The following EXOC6 variants were observed in gnomAD, a reference collection of about 807,000 sequenced individuals.
EXOC6 encodes the protein exocyst complex component 6.
Under a neutral mutation model 112.5 loss-of-function variants are expected in EXOC6, and 60 were observed. The observed-to-expected ratio is 0.53, with a 90% CI of 0.43 to 0.66. The LOEUF (loss-of-function observed/expected upper bound fraction) is 0.66, where lower values mean the gene tolerates loss of function less well. Among genes scored for constraint, EXOC6 ranks in the 30% least tolerant of loss-of-function variants. The pLI is 0.00. For missense variants in EXOC6, 855 were observed against 957.1 expected (o/e 0.89, Z 1.41); for synonymous variants, 295 against 308.0 (o/e 0.96, Z 0.44).
intron 19 of EXOC6, among the ~76,000 whole-genome samples, chr10:93,006,593 ACT>A (rs1322792954): frequency 3.3e-5 from 5 of 152,218 alleles, no homozygotes; most frequent in African/African-American, 9.6e-5. Flanking sequence ...AAGAATCCTA[ACT>A]CTCCTGATTC....
At chr10:92,960,772 A>G (rs749272221) in intron 17 of EXOC6, among the ~76,000 whole-genome samples, 3 of 152,152 alleles carry the variant, frequency 2.0e-5, no homozygotes, top group Admixed American at 6.6e-5. Context: ...AAATGAAATC[A>G]TACAGAGTGC....
At chr10:92,975,999 G>A (rs572411558) in intron 18 of EXOC6, among the ~76,000 whole-genome samples, 2 of 145,582 alleles carry the variant, frequency 1.4e-5, no homozygotes, top group Non-Finnish European at 3.0e-5. Flanking sequence ...CTACTGGGAA[G>A]TGAGGAGCCC....
chr10:92,857,919 G>T (rs10882119), intron 1 of EXOC6, among the ~76,000 whole-genome samples: 44,128 of 150,350 alleles, frequency 0.29, 7,271 homozygotes, highest in East Asian at 0.74. Context: ...TGTTTTTTTT[G>T]TTGTTGTTGT....
At chr10:92,897,601 AT>A (rs1849894991) in intron 4 of EXOC6, among the ~76,000 whole-genome samples, 1 of 152,230 alleles carries the variant, frequency 6.6e-6, no homozygotes, top group Admixed American at 6.5e-5. Context: ...CCCACTGGAA[AT>A]TCCTTATGGA....
chr10:92,854,940 A>G (rs1177785324), intron 1 of EXOC6, among the ~76,000 whole-genome samples: 5 of 152,108 alleles, frequency 3.3e-5, no homozygotes, highest in Non-Finnish European at 5.9e-5. Context: ...GGTACATTAC[A>G]TTGATTGATT....
intron 4 of EXOC6, among the ~76,000 whole-genome samples, chr10:92,897,309 A>G (rs965787882): frequency 4.6e-5 from 7 of 152,172 alleles, no homozygotes; most frequent in African/African-American, 1.2e-4. Flanking sequence ...CACCTCCAGA[A>G]CTACCTGCTT....
At chr10:93,020,668 A>C (rs545041817) in intron 20 of EXOC6, among the ~76,000 whole-genome samples, 59 of 152,148 alleles carry the variant, frequency 3.9e-4, no homozygotes, top group Non-Finnish European at 4.9e-4. Flanking sequence ...ATTTGATGAG[A>C]TCTTTTGCCA....
At chr10:92,863,883 C>T (rs2133692179) in intron 1 of EXOC6, among the ~76,000 whole-genome samples, 1 of 148,742 alleles carries the variant, frequency 6.7e-6, no homozygotes, top group East Asian at 2.0e-4. Flanking sequence ...CCACTGCACT[C>T]CAGCCTGGGC....
intron 1 of EXOC6, among the ~76,000 whole-genome samples, chr10:92,883,959 C>T (rs959380731): frequency 6.6e-6 from 1 of 151,964 alleles, no homozygotes; most frequent in Admixed American, 6.6e-5. Flanking sequence ...TGCAGTGGTG[C>T]GATCTTGGCT....
At chr10:93,040,979 C>A (rs1845741760) in intron 20 of EXOC6, among the ~76,000 whole-genome samples, 1 of 152,234 alleles carries the variant, frequency 6.6e-6, no homozygotes, top group African/African-American at 2.4e-5. Context: ...AGATCTCTGG[C>A]AGTATGCCTT....
chr10:92,974,260 T>C, intron 18 of EXOC6, 28 bp downstream of exon 18: 1 of 1,468,876 alleles, frequency 6.8e-7, no homozygotes, highest in Admixed American at 2.6e-5. Context: ...CAAAAATTGT[T>C]TTATGTTTGC....
intron 1 of EXOC6, among the ~76,000 whole-genome samples, chr10:92,890,945 T>C (rs191121251): frequency 6.6e-6 from 1 of 152,286 alleles, no homozygotes; most frequent in Non-Finnish European, 1.5e-5. Context: ...ATCATCTGGC[T>C]GCTGTATTGA....
chr10:93,025,821 T>C (rs1183780194), intron 20 of EXOC6, among the ~76,000 whole-genome samples: 1 of 152,182 alleles, frequency 6.6e-6, no homozygotes, highest in Non-Finnish European at 1.5e-5. Context: ...ACTACATCTA[T>C]AGAACACATA....
At chr10:93,009,981 A>G (rs1438882926) in intron 19 of EXOC6, among the ~76,000 whole-genome samples, 1 of 152,224 alleles carries the variant, frequency 6.6e-6, no homozygotes, top group East Asian at 1.9e-4. Context: ...GAGATCAGAT[A>G]GGGTGTGTTT....
intron 12 of EXOC6, among the ~76,000 whole-genome samples, chr10:92,936,201 T>C (rs1320816389): frequency 6.6e-6 from 1 of 152,188 alleles, no homozygotes; most frequent in African/African-American, 2.4e-5. Flanking sequence ...TTAGAAGATA[T>C]AAATTCTGCC....
intron 9 of EXOC6, among the ~76,000 whole-genome samples, chr10:92,928,835 A>G (rs888644005): frequency 2.0e-5 from 3 of 152,230 alleles, no homozygotes; most frequent in Admixed American, 1.3e-4. Context: ...TGTTCTATAT[A>G]TTGGTTGTGG....
chr10:93,004,980 G>C (rs1424131513), intron 19 of EXOC6, among the ~76,000 whole-genome samples: 1 of 139,594 alleles, frequency 7.2e-6, no homozygotes, highest in Non-Finnish European at 1.5e-5. Flanking sequence ...AGAGTGTGGG[G>C]CTTTGAAGTC....
intron 18 of EXOC6, among the ~76,000 whole-genome samples, chr10:92,989,643 CT>C (rs1843150680): frequency 6.6e-6 from 1 of 152,112 alleles, no homozygotes; most frequent in Non-Finnish European, 1.5e-5. Flanking sequence ...TTCATTTGCC[CT>C]TTTTACTCAC....
chr10:92,994,361 C>T (rs1843389196), intron 18 of EXOC6, among the ~76,000 whole-genome samples: 1 of 152,122 alleles, frequency 6.6e-6, no homozygotes, highest in Non-Finnish European at 1.5e-5. Context: ...TCTAATATGT[C>T]AGCAGATTCT....
Sources: allele counts gnomAD v4.1 joint callset (sites outside exome capture counted in the v4.1 genomes callset), GRCh38; gene constraint gnomAD v4.1.1; transcripts MANE v1.5; gene names NCBI Gene and HGNC (gene_info 2026-07-23, HGNC 2026-07-21).